The following GPATCH8 variants were observed in gnomAD, a reference collection of about 807,000 sequenced individuals.
GPATCH8 encodes the protein G-patch domain containing 8, also known as G patch domain-containing protein 8.
GPATCH8 carries 18 observed loss-of-function variants against 118.3 expected under a neutral mutation model. The ratio of observed to expected loss-of-function variants is 0.15; its 90% confidence interval spans 0.11 to 0.23. The LOEUF (loss-of-function observed/expected upper bound fraction) is 0.23. Among genes scored for constraint, GPATCH8 ranks in the 10% least tolerant of loss-of-function variants. GPATCH8 has a pLI of 1.00. For missense variants in GPATCH8, 1,631 were observed against 1,873.8 expected (o/e 0.87, Z 2.39); for synonymous variants, 659 against 684.7 (o/e 0.96, Z 0.59).
intron 5 of GPATCH8, among the ~76,000 whole-genome samples, chr17:44,426,163 C>G (rs1197392370): frequency 6.6e-6 from 1 of 152,160 alleles, no homozygotes; most frequent in Non-Finnish European, 1.5e-5. Flanking sequence ...ATGAATATAC[C>G]TACATCTCTT....
chr17:44,437,862 T>C (rs914908147), intron 3 of GPATCH8, among the ~76,000 whole-genome samples: 40 of 130,334 alleles, frequency 3.1e-4, no homozygotes, highest in Admixed American at 2.6e-3. Context: ...TTTTAAACAA[T>C]AAATAGGGAG....
At chr17:44,490,897 G>A (rs1362332011) in intron 1 of GPATCH8, among the ~76,000 whole-genome samples, 2 of 152,192 alleles carry the variant, frequency 1.3e-5, no homozygotes, top group Non-Finnish European at 2.9e-5. Flanking sequence ...AAATTTGGTT[G>A]TGGTGATCAT....
intron 6 of GPATCH8, among the ~76,000 whole-genome samples, chr17:44,422,482 G>A (rs2049943793): frequency 1.3e-5 from 2 of 151,680 alleles, no homozygotes; most frequent in South Asian, 4.2e-4. Context: ...GAGCCACCGT[G>A]CCTAGCCTAA....
In GPATCH8 at chr17:44,485,221, A is replaced by G. The variant is rs538871920; in HGVS notation, c.46-10318T>C. Among the ~76,000 whole-genome samples the G allele has an allele frequency of 7.2e-5, 11 of 152,066 alleles. No homozygotes were observed. In the South Asian group the frequency reaches 2.1e-3, roughly 29 times the overall value. On this transcript the variant is annotated intron_variant, in intron 1 of 7. Coordinates refer to ENST00000591680, the MANE Select transcript of GPATCH8 (RefSeq NM_001002909.4). The stretch of plus-strand genomic sequence containing the variant: ...TGGGCTCAAGTGATTCTCCCACTTC[A>G]GCCCCCCAAGTGGCTGGGACTACAG...
chr17:44,496,929 A>G (rs1234861849), intron 1 of GPATCH8, among the ~76,000 whole-genome samples: 3 of 152,216 alleles, frequency 2.0e-5, no homozygotes, highest in African/African-American at 4.8e-5. Context: ...TTCACTTTTT[A>G]TAAGTGGAAA....
intron 5 of GPATCH8, among the ~76,000 whole-genome samples, chr17:44,427,570 T>C (rs2050133949): frequency 6.6e-6 from 1 of 152,020 alleles, no homozygotes; most frequent in Non-Finnish European, 1.5e-5. Flanking sequence ...ATAGAAATGA[T>C]ACAAATAATA....
rs2048930101 is a variant in GPATCH8 at position 44,399,611 on chromosome 17, A to G, written c.2466T>C (p.Asp822=). ...TCTGGTGCAGCCGGTGTGAGGAAGC[A>G]TCATCACTATCCTCATCTCCACTAC... ...QPSSGDEDSD[D]ASSHRLHQKS... The change falls in exon 8 of 8, where the codon GAT becomes GAC. Residue 822 remains aspartate (D), a synonymous_variant. Transcript: ENST00000591680. 1 of 1,614,030 alleles carries G rather than the reference A, an allele frequency of 6.2e-7. No homozygotes were observed. The highest frequency in any genetic ancestry group is 8.5e-7 in the Non-Finnish European group (1 of 1,180,012).
chr17:44,450,563 A>C (rs1417071420), intron 3 of GPATCH8, among the ~76,000 whole-genome samples: 5 of 136,714 alleles, frequency 3.7e-5, no homozygotes, highest in African/African-American at 1.4e-4. Flanking sequence ...TACTGGATTT[A>C]AAACTAATAA....
chr17:44,403,180 A>G (rs535001248), intron 7 of GPATCH8, among the ~76,000 whole-genome samples: 1 of 152,098 alleles, frequency 6.6e-6, no homozygotes, highest in South Asian at 2.1e-4. Flanking sequence ...GGTTCAAGTG[A>G]TTCTCCTCCC....
At chr17:44,472,524 T>C (rs1170611061) in intron 2 of GPATCH8, among the ~76,000 whole-genome samples, 1 of 152,212 alleles carries the variant, frequency 6.6e-6, no homozygotes, top group Non-Finnish European at 1.5e-5. Flanking sequence ...TAATAATGAA[T>C]ACTAGGTTGC....
Position 44,400,993 on chromosome 17 carries a change from C to T in GPATCH8, c.1084G>A (p.Glu362Lys). 1 of 1,613,354 alleles carries T rather than the reference C, an allele frequency of 6.2e-7. No individual in the cohort carries two copies. The highest frequency in any genetic ancestry group is 8.5e-7 in the Non-Finnish European group (1 of 1,179,362). Residue 362 changes from glutamate to lysine, a missense_variant, in exon 8 of 8, where the codon GAA becomes AAA. Coordinates refer to ENST00000591680, the MANE Select transcript of GPATCH8 (RefSeq NM_001002909.4). Reference sequence around the variant, plus strand: ...AGGGACCCTCCATCCTGAGGGTCTTCATCCTCTTTTTTACCATCAAGATTA... The same window carrying T: ...AGGGACCCTCCATCCTGAGGGTCTTTATCCTCTTTTTTACCATCAAGATTA... ...SSNLDGKKED[E>K]DPQDGGSLAS...
intron 5 of GPATCH8, among the ~76,000 whole-genome samples, chr17:44,424,832 G>C (rs1184467001): frequency 6.6e-6 from 1 of 152,178 alleles, no homozygotes; most frequent in East Asian, 1.9e-4. Context: ...TGTATTAATA[G>C]TCTAGTTTTC....
At chr17:44,484,703 C>T (rs1021514292) in intron 1 of GPATCH8, among the ~76,000 whole-genome samples, 4 of 152,152 alleles carry the variant, frequency 2.6e-5, no homozygotes, top group African/African-American at 9.7e-5. Context: ...TCACTTTAGG[C>T]TTCTTTTGGC....
chr17:44,483,192 T>A (rs1466932038), intron 1 of GPATCH8, among the ~76,000 whole-genome samples: 608 of 52,936 alleles, frequency 0.011, 56 homozygotes, highest in Non-Finnish European at 0.016. Context: ...TATATATATA[T>A]ATATATATAT....
intron 3 of GPATCH8, among the ~76,000 whole-genome samples, chr17:44,453,530 T>TGTGTGTGC (rs1052518435): frequency 6.6e-6 from 1 of 150,450 alleles, no homozygotes; most frequent in African/African-American, 2.5e-5. Context: ...TGTGTGTGTG[T>TGTGTGTGC]GCAGGCGCGC....
chr17:44,492,622 C>A (rs1174389567), intron 1 of GPATCH8, among the ~76,000 whole-genome samples: 1 of 151,916 alleles, frequency 6.6e-6, no homozygotes, highest in Non-Finnish European at 1.5e-5. Context: ...GATACCACCA[C>A]CTAGTTTGGA....
intron 3 of GPATCH8, among the ~76,000 whole-genome samples, chr17:44,456,146 C>G (rs1399951910): frequency 1.3e-5 from 2 of 152,136 alleles, no homozygotes; most frequent in African/African-American, 4.8e-5. Flanking sequence ...GCTATGTTGC[C>G]CAGGCTAAGG....
intron 2 of GPATCH8, among the ~76,000 whole-genome samples, chr17:44,472,282 A>G (rs1209795735): frequency 6.6e-6 from 1 of 152,090 alleles, no homozygotes; most frequent in African/African-American, 2.4e-5. Context: ...TATCAATTCT[A>G]CTCCCACTGA....
chr17:44,405,116 G>A (rs371641273), intron 7 of GPATCH8, among the ~76,000 whole-genome samples: 15 of 151,970 alleles, frequency 9.9e-5, no homozygotes, highest in East Asian at 3.9e-4. Flanking sequence ...TGATCTGATC[G>A]CTATATATTA....
Sources: allele counts gnomAD v4.1 joint callset (sites outside exome capture counted in the v4.1 genomes callset), GRCh38; gene constraint gnomAD v4.1.1; transcripts MANE v1.5; gene names NCBI Gene and HGNC (gene_info 2026-07-23, HGNC 2026-07-21).